UTRN: variants seen among roughly 807,000 people sequenced by gnomAD.
UTRN encodes the protein dystrophin-related protein 1.
A neutral mutation model predicts 463.9 loss-of-function variants in UTRN; 283 were observed. That is an observed-to-expected ratio of 0.61 (90% CI 0.55 to 0.67). The LOEUF (loss-of-function observed/expected upper bound fraction) is 0.67. UTRN is among the 30% of genes least tolerant of loss of function. The pLI, the probability that UTRN is intolerant of heterozygous loss-of-function variation, is 0.00. For synonymous variants in UTRN, 1,442 were observed against 1,431.5 expected, an observed-to-expected ratio of 1.01 and a Z score of -0.17; for missense variants, 3,922 against 4,084.3, an observed-to-expected ratio of 0.96 and a Z score of 1.08.
At chr6:144,744,093 G>A (rs1253062908) in intron 54 of UTRN, among the ~76,000 whole-genome samples, 1 of 145,726 alleles carries the variant, frequency 6.9e-6, no homozygotes, top group East Asian at 2.0e-4. Context: ...TTTGAGACCA[G>A]CCTGGGTAAC....
intron 2 of UTRN, among the ~76,000 whole-genome samples, chr6:144,345,527 C>T (rs1423342887): frequency 2.6e-5 from 4 of 152,076 alleles, no homozygotes; most frequent in African/African-American, 9.7e-5. Flanking sequence ...ATTTAAAAAT[C>T]AGCCAGGCAT....
At chr6:144,541,041 G>C (rs139538178) in intron 45 of UTRN, among the ~76,000 whole-genome samples, 2 of 152,264 alleles carry the variant, frequency 1.3e-5, no homozygotes, top group Non-Finnish European at 2.9e-5. Flanking sequence ...TGACTACAAA[G>C]GCTGCCCCAC....
rs185894122 is a variant in UTRN at position 144,560,562 on chromosome 6, G to A, written c.7289+3251G>A. Among the ~76,000 whole-genome samples the A allele has an allele frequency of 7.7e-4, 118 of 152,262 alleles. 1 individual carries two copies. The highest frequency in any genetic ancestry group is 1.4e-3 in the Non-Finnish European group (93 of 68,028). The stretch of plus-strand genomic sequence containing the variant: ...TCATTGTCAGCCAAATTCTGGAGGG[G>A]TGAAGGGTTGTTATATTTGCACATG... On this transcript the variant is annotated intron_variant, in intron 50 of 74. Coordinates refer to ENST00000367545, the MANE Select transcript of UTRN (RefSeq NM_007124.3).
chr6:144,397,369 G>T (rs1782533437), intron 2 of UTRN, among the ~76,000 whole-genome samples: 1 of 152,190 alleles, frequency 6.6e-6, no homozygotes, highest in South Asian at 2.1e-4. Context: ...CAGAGTGGAT[G>T]GGTCATTGGG....
chr6:144,792,352 A>G (rs1011238132), intron 62 of UTRN, among the ~76,000 whole-genome samples: 1 of 152,238 alleles, frequency 6.6e-6, no homozygotes, highest in Non-Finnish European at 1.5e-5. Flanking sequence ...GTTCGAGACT[A>G]GCCTGACCAA....
At chr6:144,763,279 C>T (rs1459457938) in intron 58 of UTRN, among the ~76,000 whole-genome samples, 12 of 152,162 alleles carry the variant, frequency 7.9e-5, no homozygotes, top group Non-Finnish European at 8.8e-5. Flanking sequence ...CTAACTCCCC[C>T]TCTGAGTGGA....
chr6:144,800,260 A>C (rs1412506395), intron 64 of UTRN, among the ~76,000 whole-genome samples: 2 of 152,236 alleles, frequency 1.3e-5, no homozygotes, highest in African/African-American at 4.8e-5. Flanking sequence ...AACTATGTAG[A>C]ATATTAAGAT....
chr6:144,324,931 G>A (rs1034429752), intron 2 of UTRN, among the ~76,000 whole-genome samples: 1 of 152,208 alleles, frequency 6.6e-6, no homozygotes, highest in African/African-American at 2.4e-5. Flanking sequence ...GGAGAAGTTT[G>A]AAGCTGAAAA....
chr6:144,708,849 G>A (rs1192623581), intron 53 of UTRN, among the ~76,000 whole-genome samples: 1 of 152,134 alleles, frequency 6.6e-6, no homozygotes, highest in African/African-American at 2.4e-5. Flanking sequence ...CCAGAGGCGG[G>A]GAAGTTCAAA....
intron 51 of UTRN, among the ~76,000 whole-genome samples, chr6:144,606,122 T>C (rs1044085006): frequency 6.6e-6 from 1 of 152,220 alleles, no homozygotes; most frequent in African/African-American, 2.4e-5. Flanking sequence ...AATGCAGTGA[T>C]TGGTGATCAT....
At chr6:144,849,891 C>T (rs1190036901) in intron 74 of UTRN, among the ~76,000 whole-genome samples, 2 of 152,138 alleles carry the variant, frequency 1.3e-5, no homozygotes, top group African/African-American at 4.8e-5. Context: ...ACAAAATGTT[C>T]CTTTCTCATA....
At chr6:144,296,048 C>T (rs957692892) in intron 2 of UTRN, among the ~76,000 whole-genome samples, 3 of 152,210 alleles carry the variant, frequency 2.0e-5, no homozygotes, top group East Asian at 1.9e-4. Flanking sequence ...TCTGTATTTA[C>T]GTTCCCTGTG....
In UTRN at chr6:144,372,468, G is replaced by A. The variant is rs538892537; in HGVS notation, c.80-30655G>A. Among the ~76,000 whole-genome samples, 26 of 152,200 alleles carry A rather than the reference G, an allele frequency of 1.7e-4. No homozygotes were observed. The South Asian group carries it at 3.5e-3, about 21-fold the overall frequency. The stretch of plus-strand genomic sequence containing the variant: ...GGTATCTGCTAAAGGTCTAGTATCC[G>A]CAATAGATAAAGAAGTCTTTTTATT... On this transcript the variant is annotated intron_variant, in intron 2 of 74. Coordinates refer to ENST00000367545, the MANE Select transcript of UTRN (RefSeq NM_007124.3).
intron 58 of UTRN, 47 bp from the exon 59 acceptor site, chr6:144,771,859 GT>G (rs1213109600): frequency 2.7e-6 from 4 of 1,505,140 alleles, no homozygotes; most frequent in Middle Eastern, 1.8e-4. Context: ...CCTATATGAA[GT>G]TTTTTGATTT....
At chr6:144,553,978 A>C (rs554725803) in intron 48 of UTRN, among the ~76,000 whole-genome samples, 2 of 152,086 alleles carry the variant, frequency 1.3e-5, no homozygotes, top group African/African-American at 4.8e-5. Flanking sequence ...TTAAAAATAG[A>C]GAAAGGAGAA....
At chr6:144,445,583 T>G (rs1787607565) in intron 14 of UTRN, among the ~76,000 whole-genome samples, 1 of 149,334 alleles carries the variant, frequency 6.7e-6, no homozygotes, top group African/African-American at 2.5e-5. Flanking sequence ...CAATCTGTGG[T>G]CAGATTTTTC....
At chr6:144,849,314 G>A (rs568119443) in intron 74 of UTRN, among the ~76,000 whole-genome samples, 1 of 152,240 alleles carries the variant, frequency 6.6e-6, no homozygotes, top group South Asian at 2.1e-4. Flanking sequence ...GGTACAAAGA[G>A]GTTAGTCCTG....
At chr6:144,534,442 A>G (rs1486884253) in intron 43 of UTRN, among the ~76,000 whole-genome samples, 1 of 152,132 alleles carries the variant, frequency 6.6e-6, no homozygotes, top group Non-Finnish European at 1.5e-5. Context: ...AGAGCACAGA[A>G]CTCTCTGGCC....
intron 16 of UTRN, 75 bp from the exon 17 acceptor site, chr6:144,448,525 G>A: frequency 6.6e-7 from 1 of 1,518,180 alleles, no homozygotes; most frequent in Non-Finnish European, 8.9e-7. Context: ...TTCAAAGAAA[G>A]AATTTTATAG....
Sources: gnomAD v4.1 joint callset for allele counts (sites outside exome capture counted in the v4.1 genomes callset) on GRCh38, gnomAD v4.1.1 for gene constraint, MANE v1.5 for transcripts, NCBI Gene and HGNC (gene_info 2026-07-23, HGNC 2026-07-21) for gene names.